STXBP6: variants seen among roughly 807,000 people sequenced by gnomAD.
STXBP6 encodes syntaxin binding protein 6.
In STXBP6, 21 loss-of-function variants were observed where a neutral mutation model predicts 26.9. The ratio of observed to expected loss-of-function variants is 0.78; its 90% CI spans 0.55 to 1.12. The LOEUF is 1.12. Ranked by LOEUF, STXBP6 falls within the 50% of genes most tolerant of loss-of-function variation. STXBP6 has a pLI of 0.00. For missense variants in STXBP6, 232 were observed against 257.9 expected (o/e 0.90, Z 0.69); for synonymous variants, 97 against 92.6 (o/e 1.05, Z -0.27).
intron 2 of STXBP6, among the ~76,000 whole-genome samples, chr14:24,921,212 T>A (rs1181088378): frequency 6.6e-6 from 1 of 152,170 alleles, no homozygotes; most frequent in African/African-American, 2.4e-5. Flanking sequence ...ATTCATACAA[T>A]GTAGTACATA....
chr14:24,852,216 A>G (rs1015197690), intron 4 of STXBP6, among the ~76,000 whole-genome samples: 1 of 152,168 alleles, frequency 6.6e-6, no homozygotes, highest in Non-Finnish European at 1.5e-5. Flanking sequence ...CATCTGCAGT[A>G]ACTGCAATGG....
At chr14:24,951,129 C>T (rs549693843) in intron 2 of STXBP6, among the ~76,000 whole-genome samples, 1 of 152,270 alleles carries the variant, frequency 6.6e-6, no homozygotes, top group Admixed American at 6.5e-5. Flanking sequence ...TTTCTTTATC[C>T]AGTCTATCAT....
At position 24,946,173 on chromosome 14, in the gene STXBP6, G is replaced by T. The variant is rs189168267; in HGVS notation, c.154+28492C>A. Among the ~76,000 whole-genome samples the T allele has an allele frequency of 2.9e-3, 446 of 152,242 alleles. 3 individuals are homozygous for T. The highest frequency in any genetic ancestry group is 0.01 in the African/African-American group (426 of 41,548). ...GAGAGAAACAAATATGAAAAAATGT[G>T]TAACAGTAGCACTGTTTATGGGATA... On this transcript the variant is annotated intron_variant, in intron 2 of 5. Transcript: ENST00000323944.
intron 1 of STXBP6, among the ~76,000 whole-genome samples, chr14:25,047,164 G>A (rs2140527719): frequency 6.6e-6 from 1 of 152,172 alleles, no homozygotes; most frequent in Admixed American, 6.5e-5. Flanking sequence ...AAATGTCTGA[G>A]GTTTCTCCAA....
intron 2 of STXBP6, among the ~76,000 whole-genome samples, chr14:24,937,258 G>A (rs2072634483): frequency 1.3e-5 from 2 of 152,106 alleles, no homozygotes; most frequent in Non-Finnish European, 2.9e-5. Flanking sequence ...TGCACGTTCT[G>A]CACACGTACC....
At chr14:24,898,148 T>C (rs2071065848) in intron 2 of STXBP6, among the ~76,000 whole-genome samples, 1 of 152,204 alleles carries the variant, frequency 6.6e-6, no homozygotes, top group Non-Finnish European at 1.5e-5. Context: ...TGTTCTTTGC[T>C]AGAGACCTCA....
chr14:24,832,477 T>C (rs1431736960), intron 4 of STXBP6, among the ~76,000 whole-genome samples: 1 of 152,194 alleles, frequency 6.6e-6, no homozygotes, highest in African/African-American at 2.4e-5. Context: ...CGTAGGGGAA[T>C]TTTTACCATC....
At chr14:24,827,017 A>G (rs559626081) in intron 4 of STXBP6, among the ~76,000 whole-genome samples, 48 of 152,138 alleles carry the variant, frequency 3.2e-4, no homozygotes, top group Non-Finnish European at 6.0e-4. Context: ...CCTGGGCAGC[A>G]TGGAGAAACC....
chr14:24,971,437 C>T (rs1243379936), intron 2 of STXBP6, among the ~76,000 whole-genome samples: 1 of 152,162 alleles, frequency 6.6e-6, no homozygotes, highest in African/African-American at 2.4e-5. Flanking sequence ...AAATGAATAG[C>T]TGGTTTTCAT....
intron 2 of STXBP6, among the ~76,000 whole-genome samples, chr14:24,920,383 T>C (rs1325107497): frequency 3.3e-5 from 5 of 152,096 alleles, no homozygotes; most frequent in African/African-American, 1.2e-4. Context: ...CATAAAATAT[T>C]TACTCAACTA....
chr14:24,816,076 C>G (rs1399628153), intron 5 of STXBP6: 1 of 152,192 alleles, frequency 6.6e-6, no homozygotes, highest in Non-Finnish European at 1.5e-5. Context: ...TTCTACTGGA[C>G]TCTACAAAGG....
At chr14:25,000,365 T>C (rs1258449870) in intron 1 of STXBP6, among the ~76,000 whole-genome samples, 1 of 151,118 alleles carries the variant, frequency 6.6e-6, no homozygotes, top group Non-Finnish European at 1.5e-5. Flanking sequence ...GCCTGGCCTT[T>C]TTTTTTTTTT....
At position 24,892,912 on chromosome 14, in the gene STXBP6, C is replaced by T. The variant is rs181622700; in HGVS notation, c.155-35755G>A. On this transcript the variant is annotated intron_variant, in intron 2 of 5. Transcript: ENST00000323944. ...TTACTGTAACTAGAACTCCCACAGC[C>T]CTGAAGAGGGAGCAGAATGAGCCTC... 1.4e-4 allele frequency among the ~76,000 whole-genome samples: 21 copies of T among 152,268 alleles called. No individual in the cohort carries two copies. In the East Asian group the frequency reaches 3.9e-3, roughly 28 times the overall value.
chr14:25,040,469 T>C (rs1212882400), intron 1 of STXBP6, among the ~76,000 whole-genome samples: 1 of 152,170 alleles, frequency 6.6e-6, no homozygotes, highest in Non-Finnish European at 1.5e-5. Flanking sequence ...AAGTGTAAAA[T>C]AGAGATAAGT....
chr14:24,966,033 A>G (rs2073722797), intron 2 of STXBP6, among the ~76,000 whole-genome samples: 1 of 152,188 alleles, frequency 6.6e-6, no homozygotes, highest in African/African-American at 2.4e-5. Context: ...TACCTTTGCA[A>G]TTAGTCAAAA....
At chr14:24,940,126 G>A (rs2072750299) in intron 2 of STXBP6, among the ~76,000 whole-genome samples, 2 of 152,320 alleles carry the variant, frequency 1.3e-5, no homozygotes, top group East Asian at 3.9e-4. Context: ...GATTAACTCT[G>A]GAGAGGAACT....
chr14:24,894,897 T>C (rs1023319761), intron 2 of STXBP6, among the ~76,000 whole-genome samples: 1 of 152,088 alleles, frequency 6.6e-6, no homozygotes, highest in Admixed American at 6.6e-5. Flanking sequence ...CTCTCTTTTT[T>C]TTTTTTTAAT....
intron 4 of STXBP6, among the ~76,000 whole-genome samples, chr14:24,822,834 A>G (rs1208596260): frequency 2.6e-5 from 4 of 152,170 alleles, no homozygotes; most frequent in African/African-American, 7.2e-5. Context: ...ATATCCTGCT[A>G]TATGTAGCAC....
intron 2 of STXBP6, among the ~76,000 whole-genome samples, chr14:24,925,691 A>G (rs2072137750): frequency 6.6e-6 from 1 of 152,212 alleles, no homozygotes; most frequent in Non-Finnish European, 1.5e-5. Context: ...AAGGTCCTAT[A>G]AAGGCCAACC....
Sources: allele counts gnomAD v4.1 joint callset (sites outside exome capture counted in the v4.1 genomes callset), GRCh38; gene constraint gnomAD v4.1.1; transcripts MANE v1.5; gene names NCBI Gene and HGNC (gene_info 2026-07-23, HGNC 2026-07-21).